Variants in ENTREP2 observed in about 807,000 individuals in gnomAD.
ENTREP2 encodes the protein endosomal transmembrane epsin interactor 2.
the ENTREP2 span, among the ~76,000 whole-genome samples, chr15:29,481,410 G>C: frequency 1.3e-3 from 199 of 152,200 alleles, no homozygotes; most frequent in Non-Finnish European, 2.2e-3. Context: ...CTCTGTGAAT[G>C]AAACAGAATT....
chr15:29,507,737 G>A, the ENTREP2 span, among the ~76,000 whole-genome samples: 1 of 152,184 alleles, frequency 6.6e-6, no homozygotes, highest in Non-Finnish European at 1.5e-5. Flanking sequence ...CAGAATCTCT[G>A]GGACAGCTAA....
At chr15:29,137,257 G>C in the ENTREP2 span, 1 of 1,369,136 alleles carries the variant, frequency 7.3e-7, no homozygotes, top group East Asian at 3.0e-5. Flanking sequence ...GTCTCATTAA[G>C]CTAATTATAC....
At chr15:29,350,952 A>G in the ENTREP2 span, among the ~76,000 whole-genome samples, 1 of 152,166 alleles carries the variant, frequency 6.6e-6, no homozygotes, top group African/African-American at 2.4e-5. Flanking sequence ...ATAAATAAAT[A>G]AATATATATA....
the ENTREP2 span, among the ~76,000 whole-genome samples, chr15:29,430,975 C>T: frequency 1.6e-4 from 24 of 152,254 alleles, no homozygotes; most frequent in African/African-American, 4.8e-4. Flanking sequence ...CTCCTTTGTG[C>T]GTAGCTACCC....
the ENTREP2 span, among the ~76,000 whole-genome samples, chr15:29,310,803 C>T: frequency 4.6e-5 from 7 of 152,256 alleles, no homozygotes; most frequent in African/African-American, 1.2e-4. Context: ...CTAATACACA[C>T]ATAAACTTAA....
the ENTREP2 span, among the ~76,000 whole-genome samples, chr15:29,194,559 C>T: frequency 6.6e-6 from 1 of 152,194 alleles, no homozygotes; most frequent in South Asian, 2.1e-4. Context: ...AGGCTCCCAG[C>T]CTTCCCTGGA....
the ENTREP2 span, among the ~76,000 whole-genome samples, chr15:29,257,338 G>A: frequency 1.3e-5 from 2 of 152,178 alleles, no homozygotes; most frequent in African/African-American, 4.8e-5. Flanking sequence ...CTCCCAAAGT[G>A]CTGGGATTAC....
At chr15:29,581,720 T>A in the ENTREP2 span, among the ~76,000 whole-genome samples, 2 of 151,980 alleles carry the variant, frequency 1.3e-5, no homozygotes, top group Non-Finnish European at 2.9e-5. Flanking sequence ...GTTTTTTTTT[T>A]AAAAGACATA....
chr15:29,569,597 A>G, the ENTREP2 span: 14 of 152,354 alleles, frequency 9.2e-5, no homozygotes, highest in South Asian at 2.9e-3. Flanking sequence ...CTCTTCATAA[A>G]TATCTGCTCT....
chr15:29,495,889 C>T, the ENTREP2 span, among the ~76,000 whole-genome samples: 1 of 152,110 alleles, frequency 6.6e-6, no homozygotes, highest in Non-Finnish European at 1.5e-5. Flanking sequence ...TTGGGCTATT[C>T]GGGGTCTTTT....
chr15:29,306,664 A>ATTTTTTTTTTTTTTTTTTTTTTTT, the ENTREP2 span, among the ~76,000 whole-genome samples: 1 of 77,338 alleles, frequency 1.3e-5, no homozygotes, highest in Non-Finnish European at 2.9e-5. Flanking sequence ...ATAATTGGTA[A>ATTTTTTTTTTTTTTTTTTTTTTTT]TTTTTTTTTT....
At chr15:29,144,566 A>G in the ENTREP2 span, among the ~76,000 whole-genome samples, 1 of 152,068 alleles carries the variant, frequency 6.6e-6, no homozygotes, top group African/African-American at 2.4e-5. Context: ...CTGTCTCTAC[A>G]AAAAAATTAA....
chr15:29,523,878 A>C, the ENTREP2 span, among the ~76,000 whole-genome samples: 1 of 152,144 alleles, frequency 6.6e-6, no homozygotes, highest in Non-Finnish European at 1.5e-5. Context: ...CATATACAAA[A>C]TTTAAGTCAA....
chr15:29,455,916 C>T, the ENTREP2 span, among the ~76,000 whole-genome samples: 3 of 152,304 alleles, frequency 2.0e-5, no homozygotes, highest in East Asian at 1.9e-4. Flanking sequence ...CCTGATGATC[C>T]GTCACTATCT....
the ENTREP2 span, among the ~76,000 whole-genome samples, chr15:29,659,999 A>G: frequency 6.6e-6 from 1 of 152,022 alleles, no homozygotes; most frequent in African/African-American, 2.4e-5. Context: ...ACAAGGTTTC[A>G]CCATGTTGCC....
the ENTREP2 span, among the ~76,000 whole-genome samples, chr15:29,652,865 G>A: frequency 6.6e-6 from 1 of 152,204 alleles, no homozygotes; most frequent in Non-Finnish European, 1.5e-5. Flanking sequence ...GGTAGCATGA[G>A]CCAAGTACAG....
At chr15:29,637,896 C>T in the ENTREP2 span, among the ~76,000 whole-genome samples, 1 of 152,102 alleles carries the variant, frequency 6.6e-6, no homozygotes, top group African/African-American at 2.4e-5. Flanking sequence ...GAGACATCTA[C>T]AGCAAGCTAT....
the ENTREP2 span, among the ~76,000 whole-genome samples, chr15:29,225,253 G>A: frequency 1.3e-5 from 2 of 152,264 alleles, no homozygotes; most frequent in Non-Finnish European, 2.9e-5. Flanking sequence ...CACCAAGGCC[G>A]AGGAGGCGCC....
chr15:29,671,973 AC>A, the ENTREP2 span, among the ~76,000 whole-genome samples: 2 of 152,078 alleles, frequency 1.3e-5, no homozygotes. Flanking sequence ...GAGACGGTTT[AC>A]TGCAGGGATT....
Sources: gnomAD v4.1 joint callset for allele counts (sites outside exome capture counted in the v4.1 genomes callset) on GRCh38, gnomAD v4.1.1 for gene constraint, MANE v1.5 for transcripts, NCBI Gene and HGNC (gene_info 2026-07-23, HGNC 2026-07-21) for gene names.